Variants in FAIM observed in about 807,000 individuals in gnomAD.
FAIM encodes the protein fas apoptotic inhibitory molecule 1.
Under a neutral mutation model 21.2 loss-of-function variants are expected in FAIM, and 14 were observed. The observed-to-expected ratio is 0.66, with a 90% CI of 0.44 to 1.03. The LOEUF (loss-of-function observed/expected upper bound fraction) is 1.03. FAIM is among the 50% of genes least tolerant of loss of function. The probability of loss-of-function intolerance (pLI) is 0.00; values close to 1 mark genes in which losing one functional copy is unlikely to be tolerated. For missense variants in FAIM, 222 were observed against 247.1 expected (o/e 0.90, Z 0.68); for synonymous variants, 86 against 80.4 (o/e 1.07, Z -0.37).
intron 1 of FAIM, chr3:138,610,733 G>A (rs13077766): frequency 0.049 from 19,735 of 404,636 alleles, 1,738 homozygotes; most frequent in East Asian, 0.36. Flanking sequence ...ACAGACGTGC[G>A]CTACCATGCC....
chr3:138,618,209 T>C (rs1382657866), intron 1 of FAIM, among the ~76,000 whole-genome samples: 1 of 151,998 alleles, frequency 6.6e-6, no homozygotes, highest in Non-Finnish European at 1.5e-5. Flanking sequence ...TCTGGTTTCA[T>C]AGGGGATAAT....
At chr3:138,617,943 GTATATAGTAACTATATATTA>G (rs2042845471) in intron 1 of FAIM, among the ~76,000 whole-genome samples, 3 of 144,872 alleles carry the variant, frequency 2.1e-5, no homozygotes. Flanking sequence ...TATATATAGT[GTATATAGTAACTATATATTA>G]TATATAGTAT....
At position 138,619,391 on chromosome 3, in the gene FAIM, C is replaced by T. The variant is rs376925661; in HGVS notation, c.-16-320C>T. On this transcript the variant is annotated intron_variant, in intron 1 of 5. Coordinates refer to ENST00000360570, the MANE Select transcript of FAIM (RefSeq NM_001033031.2). ...AGGACCCAGAGGATCTCTTAGGTCT[C>T]TTGCAGCTCTGATATGCTATAACAC... Among the ~76,000 whole-genome samples, 7 of 152,310 alleles carry T rather than the reference C, an allele frequency of 4.6e-5. No individual in the cohort carries two copies. In the East Asian group the frequency reaches 9.6e-4, roughly 21 times the overall value.
At chr3:138,612,800 A>G (rs2042784708) in intron 1 of FAIM, among the ~76,000 whole-genome samples, 2 of 152,178 alleles carry the variant, frequency 1.3e-5, no homozygotes, top group Non-Finnish European at 2.9e-5. Context: ...CCCACTAGCA[A>G]TGTACAAGGA....
At chr3:138,621,950 T>C (rs547785975) in intron 3 of FAIM, among the ~76,000 whole-genome samples, 1 of 152,136 alleles carries the variant, frequency 6.6e-6, no homozygotes, top group East Asian at 1.9e-4. Context: ...GCCCTGCTGA[T>C]TTTTTGTATT....
intron 5 of FAIM, among the ~76,000 whole-genome samples, chr3:138,632,077 C>T (rs971604339): frequency 2.6e-5 from 4 of 151,634 alleles, no homozygotes; most frequent in African/African-American, 7.3e-5. Flanking sequence ...CTTCTTTCTT[C>T]CTTCCTTCTC....
intron 1 of FAIM, among the ~76,000 whole-genome samples, chr3:138,609,532 A>AACAC (rs750653015): frequency 2.0e-4 from 4 of 20,370 alleles, no homozygotes; most frequent in Middle Eastern, 0.031. Flanking sequence ...AAAGTGCTGA[A>AACAC]ACTCTCTCTC....
At chr3:138,617,031 G>T (rs1342119652) in intron 1 of FAIM, among the ~76,000 whole-genome samples, 2 of 151,992 alleles carry the variant, frequency 1.3e-5, no homozygotes, top group Non-Finnish European at 2.9e-5. Flanking sequence ...TTAAATAATT[G>T]TTGAATGCCT....
chr3:138,613,778 C>T (rs1462683007), intron 1 of FAIM, among the ~76,000 whole-genome samples: 1 of 152,206 alleles, frequency 6.6e-6, no homozygotes. Context: ...AGCCACCACA[C>T]CCAGTCAGTT....
At position 138,611,123 on chromosome 3, in the gene FAIM, T is replaced by G. The variant is rs908635268; in HGVS notation, c.-17+2186T>G. 5 of 1,056,522 alleles carry G rather than the reference T, an allele frequency of 4.7e-6. No individual in the cohort carries two copies. The African/African-American group carries it at 6.3e-5, about 13-fold the overall frequency. 65.4% of individuals were successfully genotyped at this position (1,056,522 alleles called of 1,614,324 possible). On this transcript the variant is annotated intron_variant, in intron 1 of 5. Coordinates refer to ENST00000360570, the MANE Select transcript of FAIM (RefSeq NM_001033031.2). ...AACTTAGAATATGACATGTGTTTAT[T>G]AAATTGAATTTGTAACTTAGAGATC...
chr3:138,609,533 ACTCTCT>A lies in FAIM; in HGVS notation c.-17+634_-17+639del, dbSNP rs1286573079. Among the ~76,000 whole-genome samples, 5 of 3,368 alleles carry A rather than the reference ACTCTCT, an allele frequency of 1.5e-3. 1 individual carries two copies. Among genetic ancestry groups the A allele is most frequent in the Non-Finnish European group, 2.5e-3 (4 of 1,612 alleles). 2.2% of individuals were successfully genotyped at this position (3,368 alleles called of 152,430 possible). The stretch of plus-strand genomic sequence containing the variant: ...AGAACCTGCATCATAAAGTGCTGAA[ACTCTCT>A]CTCTCTCTCTCTCTCTCTCTCTCTC... On this transcript the variant is annotated intron_variant, in intron 1 of 5. Coordinates refer to ENST00000360570, the MANE Select transcript of FAIM (RefSeq NM_001033031.2).
chr3:138,628,636 C>T (rs1402691377), intron 4 of FAIM, among the ~76,000 whole-genome samples: 1 of 152,046 alleles, frequency 6.6e-6, no homozygotes. Context: ...AGGCACCCAC[C>T]ACCATGCCCG....
At chr3:138,621,097 C>CT (rs1346923750) in intron 2 of FAIM, 2 of 250,660 alleles carry the variant, frequency 8.0e-6, no homozygotes, top group African/African-American at 4.6e-5. Flanking sequence ...TTTCCATGCA[C>CT]TATACTGTAG....
Position 138,633,038 on chromosome 3 carries a change from C to T in FAIM, c.565C>T (p.Leu189Phe), listed in dbSNP as rs190624264. The change falls in exon 6 of 6, where the codon CTC becomes TTC. Residue 189 changes from leucine (L) to phenylalanine (F), a missense_variant. Physicochemically the swap from Leu to Phe is conservative, Grantham distance 22. Coordinates refer to ENST00000360570, the MANE Select transcript of FAIM (RefSeq NM_001033031.2). Reference sequence around the variant, plus strand: ...GCGGAAAGAAGGGATTATTCATACTCTCATTGTGGATAATAGAGAAATCCC... The same window carrying T: ...GCGGAAAGAAGGGATTATTCATACTTTCATTGTGGATAATAGAGAAATCCC... ...GKRKEGIIHT[L>F]IVDNREIPEI... The T allele has an allele frequency of 8.1e-6, 13 of 1,613,702 alleles. No individual in the cohort carries two copies. In the African/African-American group the frequency reaches 1.1e-4, roughly 13 times the overall value.
chr3:138,611,378 AGTG>A (rs2042767055), intron 1 of FAIM, among the ~76,000 whole-genome samples: 1 of 152,158 alleles, frequency 6.6e-6, no homozygotes, highest in Non-Finnish European at 1.5e-5. Context: ...AACTTTTTGA[AGTG>A]GTAAAATATA....
At chr3:138,619,665 G>A in intron 1 of FAIM, 46 bp from the exon 2 acceptor site, 1 of 1,562,002 alleles carries the variant, frequency 6.4e-7, no homozygotes. Context: ...ATCTTTCTTT[G>A]CTGCAATTCT....
At chr3:138,618,094 C>T (rs2042847379) in intron 1 of FAIM, among the ~76,000 whole-genome samples, 1 of 151,474 alleles carries the variant, frequency 6.6e-6, no homozygotes, top group South Asian at 2.1e-4. Flanking sequence ...GATCCTCCCA[C>T]CTTAGCCTCC....
intron 4 of FAIM, among the ~76,000 whole-genome samples, chr3:138,623,731 A>C (rs1013164901): frequency 1.3e-5 from 2 of 152,114 alleles, no homozygotes; most frequent in Admixed American, 6.6e-5. Context: ...TAAGTATCCA[A>C]GTCTGCTGCT....
chr3:138,625,855 G>C (rs552926784), intron 4 of FAIM, among the ~76,000 whole-genome samples: 4 of 152,250 alleles, frequency 2.6e-5, no homozygotes, highest in Non-Finnish European at 4.4e-5. Context: ...GTGATGCTGA[G>C]AGCTGACCTC....
Sources: allele counts gnomAD v4.1 joint callset (sites outside exome capture counted in the v4.1 genomes callset), GRCh38; gene constraint gnomAD v4.1.1; transcripts MANE v1.5; gene names NCBI Gene and HGNC (gene_info 2026-07-23, HGNC 2026-07-21).